Variants in RGS22 observed in about 807,000 individuals in gnomAD.
The protein encoded by RGS22 is regulator of G protein signaling 22, also known as regulator of G-protein signaling 22.
Under a neutral mutation model 172.9 loss-of-function variants are expected in RGS22, and 148 were observed. That is an observed-to-expected ratio of 0.86 (90% confidence interval 0.75 to 0.98). The LOEUF (loss-of-function observed/expected upper bound fraction) is 0.98, where lower values mean the gene tolerates loss of function less well. RGS22 is among the 50% of genes least tolerant of loss of function. The probability of loss-of-function intolerance (pLI) is 0.00; values close to 1 mark genes in which losing one functional copy is unlikely to be tolerated. For missense variants in RGS22, 1,347 were observed against 1,440.8 expected (o/e 0.93, Z 1.05); for synonymous variants, 458 against 480.2 (o/e 0.95, Z 0.60).
chr8:100,016,664 C>T (rs1816994290), intron 14 of RGS22, among the ~76,000 whole-genome samples: 1 of 152,102 alleles, frequency 6.6e-6, no homozygotes. Flanking sequence ...GTAGTCCCAG[C>T]TGCTCAGGAG....
rs535022426 is a variant in RGS22 at position 100,072,305 on chromosome 8, G to A, written c.340-75C>T. 1.2e-5 allele frequency: 10 copies of A among 816,050 alleles called. No homozygotes were observed. In the East Asian group the frequency reaches 2.6e-4, roughly 22 times the overall value. 50.6% of individuals were successfully genotyped at this position (816,050 alleles called of 1,614,324 possible). Reference sequence around the variant, plus strand: ...TAGGATGATTAACACCTAATAGTGAGAGCAATAATGACCTCCAGCTGTCAG... The same window carrying A: ...TAGGATGATTAACACCTAATAGTGAAAGCAATAATGACCTCCAGCTGTCAG... On this transcript the variant is annotated intron_variant, in intron 4 of 27. Transcript: ENST00000360863.
intron 13 of RGS22, among the ~76,000 whole-genome samples, chr8:100,039,719 T>A (rs946657933): frequency 4.6e-5 from 7 of 151,916 alleles, no homozygotes; most frequent in Non-Finnish European, 7.4e-5. Context: ...TTTTTTTTTT[T>A]AAATTTTGAA....
chr8:100,055,053 T>C (rs1822103173), intron 9 of RGS22, among the ~76,000 whole-genome samples: 1 of 152,214 alleles, frequency 6.6e-6, no homozygotes, highest in African/African-American at 2.4e-5. Flanking sequence ...ATGGCACCTC[T>C]GGACCCACCT....
At chr8:99,998,012 C>A (rs774667092) in intron 19 of RGS22, among the ~76,000 whole-genome samples, 12 of 152,058 alleles carry the variant, frequency 7.9e-5, no homozygotes, top group Non-Finnish European at 1.5e-4. Flanking sequence ...TTGTTTTGTT[C>A]AATAAATGAC....
intron 2 of RGS22, among the ~76,000 whole-genome samples, chr8:100,097,592 G>A (rs995525789): frequency 6.6e-6 from 1 of 152,128 alleles, no homozygotes; most frequent in Non-Finnish European, 1.5e-5. Flanking sequence ...TTTGGAGGAG[G>A]GCTTTATGTA....
At position 100,072,211 on chromosome 8, in the gene RGS22, C is replaced by A; in HGVS notation, c.359G>T (p.Gly120Val). 1.3e-6 allele frequency: 2 copies of A among 1,596,674 alleles called. No homozygotes were observed. The highest frequency in any genetic ancestry group is 1.7e-6 in the Non-Finnish European group (2 of 1,173,084). The change falls in exon 5 of 28, where the codon GGT becomes GTT. Residue 120 changes from glycine to valine, a missense_variant. Transcript: ENST00000360863. ...YNIMCLSREE[G>V]IKWIKKERLP... ...TCTTTCTTTTTTGATCCACTTAATA[C>A]CTTCTTCACGACTGAGACACTATGA... is the stretch of plus-strand genomic sequence containing the variant.
chr8:100,061,912 G>T (rs1366481130), intron 9 of RGS22, among the ~76,000 whole-genome samples: 1 of 152,166 alleles, frequency 6.6e-6, no homozygotes, highest in Non-Finnish European at 1.5e-5. Flanking sequence ...GCCCATCAGT[G>T]ATAGACTGGA....
chr8:99,998,910 A>G (rs1334792336), intron 19 of RGS22, among the ~76,000 whole-genome samples: 1 of 152,120 alleles, frequency 6.6e-6, no homozygotes, highest in Non-Finnish European at 1.5e-5. Flanking sequence ...TAATCCCAGC[A>G]CTTTGGGAGG....
chr8:100,034,227 G>A (rs1211630331), intron 14 of RGS22, among the ~76,000 whole-genome samples: 1 of 152,090 alleles, frequency 6.6e-6, no homozygotes, highest in Non-Finnish European at 1.5e-5. Context: ...CATCATCTCA[G>A]CCCAAAATCT....
At chr8:100,047,434 G>T (rs2980542) in intron 11 of RGS22, 29 bp downstream of exon 11, 2 of 1,559,422 alleles carry the variant, frequency 1.3e-6, no homozygotes, top group African/African-American at 2.8e-5. Context: ...TTGCAGAAAA[G>T]CACTTAACAC....
intron 20 of RGS22, among the ~76,000 whole-genome samples, chr8:99,989,919 T>C (rs563332557): frequency 9.9e-5 from 15 of 151,732 alleles, no homozygotes; most frequent in South Asian, 8.3e-4. Flanking sequence ...GATAGATAGA[T>C]AGACAGATAG....
At chr8:100,060,269 A>G (rs969863434) in intron 9 of RGS22, among the ~76,000 whole-genome samples, 4 of 151,644 alleles carry the variant, frequency 2.6e-5, no homozygotes, top group African/African-American at 9.7e-5. Context: ...TGTCACATGT[A>G]TGTTCTTCCC....
intron 3 of RGS22, among the ~76,000 whole-genome samples, chr8:100,090,616 TG>T (rs1812505100): frequency 6.6e-6 from 1 of 152,100 alleles, no homozygotes; most frequent in Admixed American, 6.6e-5. Flanking sequence ...GCACTATAAG[TG>T]GAGCATGTGT....
In RGS22 at chr8:100,080,122, A is replaced by G; in HGVS notation, c.339+12T>C. ...TATCTATCTAACAAGATAAAACAGT[A>G]TACTTTCTTACCATAATATTGTAGT... is the stretch of plus-strand genomic sequence containing the variant. On this transcript the variant is annotated intron_variant, in intron 4 of 27. Coordinates refer to ENST00000360863, the MANE Select transcript of RGS22 (RefSeq NM_015668.5). 6.5e-7 allele frequency: 1 copy of G among 1,546,920 alleles called. No individual in the cohort carries two copies. Among genetic ancestry groups the G allele is most frequent in the Non-Finnish European group, 8.9e-7 (1 of 1,123,860 alleles).
At chr8:100,055,975 T>C (rs1232162508) in intron 9 of RGS22, among the ~76,000 whole-genome samples, 2 of 151,800 alleles carry the variant, frequency 1.3e-5, no homozygotes, top group Non-Finnish European at 2.9e-5. Context: ...CAGGCAGAGG[T>C]TGGAACAGTT....
At chr8:100,075,156 A>C (rs950704332) in intron 4 of RGS22, among the ~76,000 whole-genome samples, 37 of 152,008 alleles carry the variant, frequency 2.4e-4, no homozygotes, top group Non-Finnish European at 1.5e-4. Context: ...TATGGTATGG[A>C]TATTTGCCTC....
intron 2 of RGS22, among the ~76,000 whole-genome samples, chr8:100,094,832 G>C (rs1351148318): frequency 6.6e-6 from 1 of 152,116 alleles, no homozygotes; most frequent in Non-Finnish European, 1.5e-5. Flanking sequence ...ATTCTTATGA[G>C]AAAACATCTG....
intron 8 of RGS22, 22 bp downstream of exon 8, chr8:100,063,393 GA>G (rs1230632569): frequency 6.8e-7 from 1 of 1,468,080 alleles, no homozygotes; most frequent in South Asian, 1.5e-5. Flanking sequence ...TAAAACTATT[GA>G]AAAATAAAAA....
intron 9 of RGS22, 26 bp downstream of exon 9, chr8:100,062,561 AAAGT>A (rs1476415078): frequency 1.6e-5 from 24 of 1,471,856 alleles, no homozygotes; most frequent in Non-Finnish European, 2.2e-5. Context: ...AAGGAAAGTG[AAAGT>A]AAGTAACTGA....
Sources: gnomAD v4.1 joint callset for allele counts (sites outside exome capture counted in the v4.1 genomes callset) on GRCh38, gnomAD v4.1.1 for gene constraint, MANE v1.5 for transcripts, NCBI Gene and HGNC (gene_info 2026-07-23, HGNC 2026-07-21) for gene names.